The following NUP153 variants were observed in gnomAD, a reference collection of about 807,000 sequenced individuals.
NUP153 encodes the protein nucleoporin 153.
NUP153 carries 27 observed loss-of-function variants against 134.6 expected under a neutral mutation model. That is an observed-to-expected ratio of 0.20 (90% CI 0.15 to 0.28). The LOEUF is 0.28. Among genes scored for constraint, NUP153 ranks in the 10% least tolerant of loss-of-function variants. The pLI, the probability that NUP153 is intolerant of heterozygous loss-of-function variation, is 1.00. For missense variants in NUP153, 1,821 were observed against 1,731.3 expected (o/e 1.05, Z -0.92); for synonymous variants, 640 against 623.5 (o/e 1.03, Z -0.40).
At chr6:17,685,980 A>C (rs1046787864) in intron 2 of NUP153, among the ~76,000 whole-genome samples, 1 of 152,030 alleles carries the variant, frequency 6.6e-6, no homozygotes, top group Non-Finnish European at 1.5e-5. Context: ...CCTCGTCTCC[A>C]CAAAAAAATT....
chr6:17,616,073 T>C lies in NUP153; in HGVS notation c.*24A>G. The C allele has an allele frequency of 6.5e-7, 1 of 1,544,384 alleles. No homozygotes were observed. Among genetic ancestry groups the C allele is most frequent in the Non-Finnish European group, 9.0e-7 (1 of 1,116,790 alleles). On this transcript the variant is annotated 3_prime_UTR_variant, in exon 22 of 22. Transcript: ENST00000262077. The stretch of plus-strand genomic sequence containing the variant: ...AGCAGGGCACCAGCTGTTGTTAAAA[T>C]TGAGTACAACACCAATGTGACCTTT...
intron 5 of NUP153, among the ~76,000 whole-genome samples, chr6:17,674,327 C>T (rs974246262): frequency 6.6e-6 from 1 of 151,850 alleles, no homozygotes; most frequent in Non-Finnish European, 1.5e-5. Context: ...GTAATTTATA[C>T]GTCATTTAAA....
chr6:17,618,758 G>T (rs1308458544), intron 20 of NUP153, among the ~76,000 whole-genome samples: 1 of 152,074 alleles, frequency 6.6e-6, no homozygotes, highest in Non-Finnish European at 1.5e-5. Flanking sequence ...AGTAGAGATG[G>T]GGTTTCACCG....
At chr6:17,667,043 CTT>C (rs769042126) in intron 8 of NUP153, among the ~76,000 whole-genome samples, 5 of 152,188 alleles carry the variant, frequency 3.3e-5, no homozygotes, top group Non-Finnish European at 7.4e-5. Flanking sequence ...CATTAATAAA[CTT>C]TTATGGATAC....
intron 8 of NUP153, among the ~76,000 whole-genome samples, chr6:17,668,285 G>A (rs1285219526): frequency 1.3e-5 from 2 of 151,534 alleles, no homozygotes; most frequent in African/African-American, 2.4e-5. Flanking sequence ...TCACCATGTT[G>A]TCCAGGCTGG....
rs1439416312 is a variant in NUP153 at position 17,616,082 on chromosome 6, A to C, written c.*15T>G. ...CCAGCTGTTGTTAAAATTGAGTACAACACCAATGTGACCTTTATTTCCTGC... is the reference window on the plus strand; with the variant it reads ...CCAGCTGTTGTTAAAATTGAGTACACCACCAATGTGACCTTTATTTCCTGC... On this transcript the variant is annotated 3_prime_UTR_variant, in exon 22 of 22. Transcript: ENST00000262077. The C allele has an allele frequency of 3.2e-6, 5 of 1,587,016 alleles. No individual in the cohort carries two copies. Among genetic ancestry groups the C allele is most frequent in the Admixed American group, 3.3e-5 (2 of 59,996 alleles).
intron 6 of NUP153, 21 bp downstream of exon 6, chr6:17,669,409 A>G (rs1390648574): frequency 6.3e-7 from 1 of 1,599,574 alleles, no homozygotes; most frequent in Non-Finnish European, 8.6e-7. Flanking sequence ...TCCTGTATTA[A>G]TCGTGATTTT....
rs776567220 is a variant in NUP153 at position 17,637,170 on chromosome 6, C to A, written c.2447G>T (p.Cys816Phe). 3.7e-6 allele frequency: 6 copies of A among 1,608,376 alleles called. No homozygotes were observed. Among genetic ancestry groups the A allele is most frequent in the Non-Finnish European group, 5.1e-6 (6 of 1,175,364 alleles). ...AAACATACCTGGTTTCTCAGACATACAGGACACACACTTATTGTCTTCTGC... is the reference window on the plus strand; with the variant it reads ...AAACATACCTGGTTTCTCAGACATAAAGGACACACACTTATTGTCTTCTGC... ...NNAEDNKCVS[C>F]MSEKPGSSVP... The change falls in exon 16 of 22, where the codon TGT (cysteine) becomes TTT (phenylalanine). Residue 816 changes from cysteine to phenylalanine, a missense_variant. Physicochemically the swap from Cys to Phe is radical, Grantham distance 205. Transcript: ENST00000262077.
intron 12 of NUP153, among the ~76,000 whole-genome samples, chr6:17,648,957 A>C (rs773674723): frequency 6.6e-6 from 1 of 152,260 alleles, no homozygotes. Context: ...ATGGTATTGC[A>C]TAAGAGTTGA....
chr6:17,654,534 C>T lies in NUP153; in HGVS notation c.1396-5234G>A, dbSNP rs995807486. Among the ~76,000 whole-genome samples, 14 of 152,244 alleles carry T rather than the reference C, an allele frequency of 9.2e-5. 2 individuals are homozygous for T. In the East Asian group the frequency reaches 2.3e-3, roughly 25 times the overall value. On this transcript the variant is annotated intron_variant, in intron 11 of 21. Transcript: ENST00000262077. ...ACAGGGTTTCACCATGTTGGCCAGG[C>T]TGGTCTCGAATTCCTGACCTCGTGA...
At chr6:17,661,372 TACAA>T (rs1449890848) in intron 11 of NUP153, among the ~76,000 whole-genome samples, 1 of 152,192 alleles carries the variant, frequency 6.6e-6, no homozygotes, top group Non-Finnish European at 1.5e-5. Flanking sequence ...ACGTATGTTT[TACAA>T]ACAGACAAAA....
chr6:17,616,936 G>C (rs1764365033), intron 20 of NUP153, among the ~76,000 whole-genome samples: 1 of 152,092 alleles, frequency 6.6e-6, no homozygotes, highest in Non-Finnish European at 1.5e-5. Context: ...TATTTTAGTA[G>C]AGACGTGGTT....
chr6:17,675,862 T>C lies in NUP153; in HGVS notation c.335-92A>G, dbSNP rs377563094. On this transcript the variant is annotated intron_variant, in intron 2 of 21. Coordinates refer to ENST00000262077, the MANE Select transcript of NUP153 (RefSeq NM_005124.4). The surrounding 1 kb of genome is among the most constrained non-coding windows in gnomAD (Gnocchi z 4.4). Reference sequence around the variant, plus strand: ...TACTTTAAGAAAACACATTACAGTATATAATAGCTTCAATTCAAATCACTG... The same window carrying C: ...TACTTTAAGAAAACACATTACAGTACATAATAGCTTCAATTCAAATCACTG... 8 of 1,193,552 alleles carry C rather than the reference T, an allele frequency of 6.7e-6. No individual in the cohort carries two copies. Among genetic ancestry groups the C allele is most frequent in the African/African-American group, 6.1e-5 (4 of 65,860 alleles). 73.9% of individuals were successfully genotyped at this position (1,193,552 alleles called of 1,614,324 possible). A position where few individuals can be genotyped will look rare whatever the true frequency, so the allele number is the denominator to read the frequency against.
At chr6:17,653,582 CG>C (rs1308870832) in intron 11 of NUP153, among the ~76,000 whole-genome samples, 2 of 152,198 alleles carry the variant, frequency 1.3e-5, no homozygotes, top group African/African-American at 4.8e-5. Flanking sequence ...AATTTATTTA[CG>C]AAAAGACCTG....
Position 17,662,024 on chromosome 6 carries a change from C to T in NUP153, c.1262G>A (p.Arg421Gln), listed in dbSNP as rs201406748. 164 of 1,606,488 alleles carry T rather than the reference C, an allele frequency of 1.0e-4. 1 individual carries two copies. The South Asian group carries it at 1.4e-3, about 14-fold the overall frequency. Residue 421 changes from arginine (R) to glutamine (Q), a missense_variant, in exon 10 of 22, where the codon CGA becomes CAA. By Grantham distance (43) the Arg-to-Gln change is conservative. Coordinates refer to ENST00000262077, the MANE Select transcript of NUP153 (RefSeq NM_005124.4). Reference sequence around the variant, plus strand: ...GTATAAGAAATGACAGTACCTTTCTCGTTGTTCTCTATTTTGTCCGGGTGT... The same window carrying T: ...GTATAAGAAATGACAGTACCTTTCTTGTTGTTCTCTATTTTGTCCGGGTGT... ...NMTPGQNREQ[R>Q]ESGFSYPNFS...
At chr6:17,616,277 T>C (rs1581648477) in intron 21 of NUP153, 96 bp from the exon 22 acceptor site, 8 of 313,602 alleles carry the variant, frequency 2.6e-5, no homozygotes, top group South Asian at 8.8e-5. Flanking sequence ...GTAAGGGGGG[T>C]CGGGTGGGGG....
intron 1 of NUP153, among the ~76,000 whole-genome samples, chr6:17,690,858 A>G (rs1769228862): frequency 6.6e-6 from 1 of 152,178 alleles, no homozygotes; most frequent in African/African-American, 2.4e-5. Context: ...GTGAAAAGGT[A>G]GCCGGGCGTG....
intron 11 of NUP153, among the ~76,000 whole-genome samples, chr6:17,659,609 A>AC (rs1767059385): frequency 6.6e-6 from 1 of 152,142 alleles, no homozygotes; most frequent in Non-Finnish European, 1.5e-5. Flanking sequence ...AGTAGCTGGG[A>AC]CTACACACAT....
At chr6:17,635,540 T>C (rs548978521) in intron 16 of NUP153, among the ~76,000 whole-genome samples, 1 of 152,284 alleles carries the variant, frequency 6.6e-6, no homozygotes, top group African/African-American at 2.4e-5. Flanking sequence ...TAGCTGGGAC[T>C]ATAGGCGGGT....
Sources: allele counts gnomAD v4.1 joint callset (sites outside exome capture counted in the v4.1 genomes callset), GRCh38; gene constraint gnomAD v4.1.1; non-coding constraint Gnocchi (gnomAD v3.1); transcripts MANE v1.5; gene names NCBI Gene and HGNC (gene_info 2026-07-23, HGNC 2026-07-21).